The following NCOA1 variants were observed in gnomAD, a reference collection of about 807,000 sequenced individuals.
NCOA1 encodes the protein Hin-2 protein.
A neutral mutation model predicts 150.9 loss-of-function variants in NCOA1; 35 were observed. The ratio of observed to expected loss-of-function variants is 0.23; its 90% CI spans 0.18 to 0.31. NCOA1 has a LOEUF of 0.31. Ranked by LOEUF, NCOA1 falls within the 10% of genes least tolerant of loss-of-function variation. The pLI is 1.00. For synonymous variants in NCOA1, 590 were observed against 630.0 expected (o/e 0.94, Z 0.95); for missense variants, 1,491 against 1,749.3 (o/e 0.85, Z 2.63).
chr2:24,636,242 A>G (rs918273498), intron 3 of NCOA1, among the ~76,000 whole-genome samples: 1 of 152,276 alleles, frequency 6.6e-6, no homozygotes, highest in East Asian at 1.9e-4. Context: ...ATGTTAAACC[A>G]CTGTTTTTTA....
At chr2:24,540,143 A>G (rs1665328301) in intron 1 of NCOA1, among the ~76,000 whole-genome samples, 1 of 152,200 alleles carries the variant, frequency 6.6e-6, no homozygotes, top group African/African-American at 2.4e-5. Flanking sequence ...CAGAATCCCA[A>G]GTACAAAGAT....
chr2:24,757,666 T>C (rs1184857686), intron 20 of NCOA1, among the ~76,000 whole-genome samples: 4 of 152,096 alleles, frequency 2.6e-5, no homozygotes, highest in African/African-American at 9.7e-5. Flanking sequence ...GATAGGTAAA[T>C]GTCAGTTACC....
At position 24,564,364 on chromosome 2, in the gene NCOA1, A is replaced by T. The variant is rs1177357329; in HGVS notation, c.-326A>T. 1 of 152,218 alleles carries T rather than the reference A, an allele frequency of 6.6e-6. No individual in the cohort carries two copies. Among genetic ancestry groups the T allele is most frequent in the Non-Finnish European group, 1.5e-5 (1 of 68,044 alleles). 9.4% of individuals were successfully genotyped at this position (152,218 alleles called of 1,614,324 possible). A position where few individuals can be genotyped will look rare whatever the true frequency, so the allele number is the denominator to read the frequency against. On this transcript the variant is annotated 5_prime_UTR_variant, in exon 2 of 23. Transcript: ENST00000348332. ...ATAAAATCAAGGACCATCAAGCAAG[A>T]TCATGCAGTAGGCAACTTTGCTTCC...
intron 3 of NCOA1, among the ~76,000 whole-genome samples, chr2:24,613,590 T>C (rs1668737088): frequency 6.6e-6 from 1 of 151,962 alleles, no homozygotes; most frequent in African/African-American, 2.4e-5. Flanking sequence ...TCCAGGAGAG[T>C]GGGTACTCCA....
chr2:24,529,817 G>T (rs550968693), intron 1 of NCOA1, among the ~76,000 whole-genome samples: 67 of 152,136 alleles, frequency 4.4e-4, no homozygotes, highest in African/African-American at 1.6e-3. Flanking sequence ...AAAAACTCAT[G>T]TTTGCTAATT....
At chr2:24,607,922 C>A (rs1668444994) in intron 3 of NCOA1, among the ~76,000 whole-genome samples, 1 of 151,980 alleles carries the variant, frequency 6.6e-6, no homozygotes, top group Non-Finnish European at 1.5e-5. Flanking sequence ...CCTGTATTTT[C>A]TTATTTACTG....
chr2:24,750,298 A>ATCCCCCC (rs930404005), intron 19 of NCOA1, among the ~76,000 whole-genome samples: 1 of 152,234 alleles, frequency 6.6e-6, no homozygotes, highest in Non-Finnish European at 1.5e-5. Context: ...AGCCAAAATA[A>ATCCCCCC]TTTTTAAAAG....
At chr2:24,523,629 A>AAAG (rs1572380482) in intron 1 of NCOA1, among the ~76,000 whole-genome samples, 1 of 125,914 alleles carries the variant, frequency 7.9e-6, no homozygotes, top group Non-Finnish European at 1.7e-5. Flanking sequence ...AAAAAAAAAA[A>AAAG]AGAAACTGGG....
At chr2:24,733,589 C>A (rs1296437496) in intron 17 of NCOA1, among the ~76,000 whole-genome samples, 1 of 151,930 alleles carries the variant, frequency 6.6e-6, no homozygotes, top group Non-Finnish European at 1.5e-5. Context: ...ACTAAAAATA[C>A]AAAAGTTAGC....
chr2:24,584,854 A>G (rs2148318222), intron 3 of NCOA1, among the ~76,000 whole-genome samples: 1 of 152,286 alleles, frequency 6.6e-6, no homozygotes, highest in Admixed American at 6.5e-5. Flanking sequence ...AGTATTTCAG[A>G]CGTTTTTACA....
chr2:24,698,018 C>T (rs1558295669), intron 11 of NCOA1, among the ~76,000 whole-genome samples: 2 of 152,000 alleles, frequency 1.3e-5, no homozygotes, highest in Non-Finnish European at 2.9e-5. Flanking sequence ...GTGGTGGTCA[C>T]TCATTCATTC....
intron 4 of NCOA1, among the ~76,000 whole-genome samples, chr2:24,655,221 G>C (rs1448471990): frequency 1.3e-5 from 2 of 152,058 alleles, no homozygotes; most frequent in African/African-American, 2.4e-5. Flanking sequence ...TCAATTTAAA[G>C]TTTTTTGGCT....
intron 1 of NCOA1, among the ~76,000 whole-genome samples, chr2:24,516,865 A>G (rs1243126140): frequency 5.9e-5 from 6 of 101,840 alleles, no homozygotes; most frequent in African/African-American, 1.3e-4. Flanking sequence ...ATCTTTATAT[A>G]CCAGTGTTTT....
intron 3 of NCOA1, among the ~76,000 whole-genome samples, chr2:24,626,970 T>C (rs1329102332): frequency 6.6e-6 from 1 of 152,186 alleles, no homozygotes; most frequent in Non-Finnish European, 1.5e-5. Flanking sequence ...TATTAGGCTT[T>C]TAAATATTTG....
At chr2:24,705,659 A>G (rs1369786978) in intron 12 of NCOA1, among the ~76,000 whole-genome samples, 3 of 152,194 alleles carry the variant, frequency 2.0e-5, no homozygotes, top group South Asian at 4.1e-4. Flanking sequence ...TCATTAAACT[A>G]TCAACTTGAT....
intron 1 of NCOA1, among the ~76,000 whole-genome samples, chr2:24,537,667 C>A (rs574310959): frequency 6.6e-6 from 1 of 151,814 alleles, no homozygotes; most frequent in Non-Finnish European, 1.5e-5. Flanking sequence ...TGATGAACAA[C>A]GCAAAGATCA....
At chr2:24,581,223 A>G (rs1400531222) in intron 2 of NCOA1, among the ~76,000 whole-genome samples, 2 of 152,240 alleles carry the variant, frequency 1.3e-5, no homozygotes, top group South Asian at 4.1e-4. Context: ...TGTGGCAGAA[A>G]GAGAGAAGGG....
chr2:24,719,119 C>T (rs1462521881), intron 14 of NCOA1, among the ~76,000 whole-genome samples: 1 of 147,266 alleles, frequency 6.8e-6, no homozygotes, highest in Non-Finnish European at 1.5e-5. Context: ...AAATGAAACA[C>T]TGCTCAGCAA....
At chr2:24,528,063 A>G (rs1415571120) in intron 1 of NCOA1, among the ~76,000 whole-genome samples, 3 of 152,222 alleles carry the variant, frequency 2.0e-5, no homozygotes, top group Admixed American at 2.0e-4. Flanking sequence ...AATTTTGGAT[A>G]TTAATGCCTT....
Sources: allele counts gnomAD v4.1 joint callset (sites outside exome capture counted in the v4.1 genomes callset), GRCh38; gene constraint gnomAD v4.1.1; transcripts MANE v1.5; gene names NCBI Gene and HGNC (gene_info 2026-07-23, HGNC 2026-07-21).